Variants in SLC4A10 observed in about 807,000 individuals in gnomAD.
SLC4A10 encodes the protein sodium-driven chloride bicarbonate exchanger.
A neutral mutation model predicts 137.7 loss-of-function variants in SLC4A10; 42 were observed. The ratio of observed to expected loss-of-function variants is 0.30; its 90% confidence interval spans 0.24 to 0.39. The LOEUF (loss-of-function observed/expected upper bound fraction) is 0.39, where lower values mean the gene tolerates loss of function less well. SLC4A10 is among the 10% of genes least tolerant of loss of function. The probability of loss-of-function intolerance (pLI) is 1.00; values close to 1 mark genes in which losing one functional copy is unlikely to be tolerated. For missense variants in SLC4A10, 925 were observed against 1,355.0 expected (o/e 0.68, Z 4.98); for synonymous variants, 474 against 464.1 (o/e 1.02, Z -0.27).
chr2:161,938,030 T>C (rs1427052569), intron 15 of SLC4A10, among the ~76,000 whole-genome samples: 2 of 152,004 alleles, frequency 1.3e-5, no homozygotes, highest in South Asian at 2.1e-4. Context: ...CCCAGCACTT[T>C]GGGAGGCTGA....
At chr2:161,643,421 C>A (rs918755373) in intron 1 of SLC4A10, among the ~76,000 whole-genome samples, 18 of 152,118 alleles carry the variant, frequency 1.2e-4, no homozygotes, top group Admixed American at 9.8e-4. Flanking sequence ...ATTACACATG[C>A]CAATAAATGC....
At chr2:161,647,235 T>C (rs1283684690) in intron 1 of SLC4A10, among the ~76,000 whole-genome samples, 1 of 152,076 alleles carries the variant, frequency 6.6e-6, no homozygotes, top group Non-Finnish European at 1.5e-5. Flanking sequence ...ATGCCTATCA[T>C]GTTTAATGGT....
intron 2 of SLC4A10, among the ~76,000 whole-genome samples, chr2:161,783,117 TAA>T (rs1306991169): frequency 6.6e-6 from 1 of 151,936 alleles, no homozygotes; most frequent in Non-Finnish European, 1.5e-5. Flanking sequence ...GGAAATTTCA[TAA>T]GAGTATAAGT....
intron 1 of SLC4A10, among the ~76,000 whole-genome samples, chr2:161,696,262 A>G (rs1574408384): frequency 6.6e-6 from 1 of 151,784 alleles, no homozygotes; most frequent in Admixed American, 6.6e-5. Flanking sequence ...TTATGGCTGC[A>G]TAGTATTCCA....
rs185479091 is a variant in SLC4A10 at position 161,704,251 on chromosome 2, C to T, written c.49-66722C>T. 3.8e-3 allele frequency among the ~76,000 whole-genome samples: 571 copies of T among 151,662 alleles called. 2 individuals carry two copies. The highest frequency in any genetic ancestry group is 0.012 in the African/African-American group (505 of 41,472). ...GTTGTGAGAGCTAATTTGTCAAAAA[C>T]GGTCTGTACTAGCTTTAGCCCAGTA... On this transcript the variant is annotated intron_variant, in intron 1 of 26. Coordinates refer to ENST00000446997, the MANE Select transcript of SLC4A10 (RefSeq NM_001178015.2).
intron 23 of SLC4A10, among the ~76,000 whole-genome samples, chr2:161,972,332 C>G (rs985076740): frequency 6.6e-6 from 1 of 152,158 alleles, no homozygotes; most frequent in Non-Finnish European, 1.5e-5. Context: ...TACATATGCT[C>G]TGCCCCTGAC....
chr2:161,638,320 A>G (rs1022926336), intron 1 of SLC4A10, among the ~76,000 whole-genome samples: 2 of 152,102 alleles, frequency 1.3e-5, no homozygotes, highest in African/African-American at 4.8e-5. Context: ...ATGGTGATCC[A>G]TAGGGTTCTA....
rs188593373 is a variant in SLC4A10, at chr2:161,689,468, T to C, written c.48+64902T>C. Reference sequence around the variant, plus strand: ...TACACTATTCAGTACAGTAACATGCTGAACAGGTTTGTGGCTTAGAAGCAA... The same window carrying C: ...TACACTATTCAGTACAGTAACATGCCGAACAGGTTTGTGGCTTAGAAGCAA... On this transcript the variant is annotated intron_variant, in intron 1 of 26. Coordinates refer to ENST00000446997, the MANE Select transcript of SLC4A10 (RefSeq NM_001178015.2). 4.4e-4 allele frequency among the ~76,000 whole-genome samples: 67 copies of C among 152,356 alleles called. No homozygotes were observed. The South Asian group carries it at 0.011, about 26-fold the overall frequency.
intron 15 of SLC4A10, among the ~76,000 whole-genome samples, chr2:161,927,713 A>G (rs1292445268): frequency 6.6e-6 from 1 of 152,254 alleles, no homozygotes; most frequent in African/African-American, 2.4e-5. Context: ...TGGGCAAAGG[A>G]CATGAACAGA....
At chr2:161,826,541 A>G (rs2058031945) in intron 3 of SLC4A10, among the ~76,000 whole-genome samples, 1 of 152,168 alleles carries the variant, frequency 6.6e-6, no homozygotes, top group Non-Finnish European at 1.5e-5. Flanking sequence ...AGGGCCTGCA[A>G]AAGGAGAGTA....
At chr2:161,636,043 G>A (rs1339929404) in intron 1 of SLC4A10, among the ~76,000 whole-genome samples, 2 of 152,104 alleles carry the variant, frequency 1.3e-5, no homozygotes, top group African/African-American at 2.4e-5. Flanking sequence ...AGCAGAATTT[G>A]TGTTGCTCTG....
intron 1 of SLC4A10, among the ~76,000 whole-genome samples, chr2:161,750,557 C>T (rs561390265): frequency 7.9e-5 from 12 of 151,712 alleles, no homozygotes; most frequent in Middle Eastern, 3.4e-3. Context: ...TTATTCCTGC[C>T]GCTAATTTCT....
chr2:161,708,662 A>T, intron 1 of SLC4A10: 1 of 1,478,904 alleles, frequency 6.8e-7, no homozygotes, highest in Admixed American at 2.3e-5. Context: ...ATACTGATGG[A>T]CAGATCTGTT....
chr2:161,885,343 G>A (rs1245687583), intron 10 of SLC4A10, among the ~76,000 whole-genome samples: 2 of 152,144 alleles, frequency 1.3e-5, no homozygotes, highest in Admixed American at 6.6e-5. Flanking sequence ...AGAACAGTTA[G>A]CATTTTAGCA....
intron 16 of SLC4A10, among the ~76,000 whole-genome samples, chr2:161,944,656 T>C (rs1461422461): frequency 6.6e-6 from 1 of 151,670 alleles, no homozygotes; most frequent in East Asian, 1.9e-4. Flanking sequence ...AGCAGAAAGT[T>C]TCATATTATT....
chr2:161,919,998 C>T (rs1272035385), intron 15 of SLC4A10, among the ~76,000 whole-genome samples: 1 of 152,186 alleles, frequency 6.6e-6, no homozygotes, highest in Non-Finnish European at 1.5e-5. Flanking sequence ...CCAGCCACAG[C>T]CTTGCACAGA....
At chr2:161,728,666 T>C (rs2046495252) in intron 1 of SLC4A10, among the ~76,000 whole-genome samples, 1 of 152,110 alleles carries the variant, frequency 6.6e-6, no homozygotes, top group African/African-American at 2.4e-5. Context: ...TAATTTCTAC[T>C]AGAAAATAGA....
At chr2:161,850,033 A>G (rs1238274973) in intron 4 of SLC4A10, among the ~76,000 whole-genome samples, 3 of 151,886 alleles carry the variant, frequency 2.0e-5, no homozygotes, top group African/African-American at 4.8e-5. Context: ...TTTCTGGTTG[A>G]TAGGTTTTTT....
At chr2:161,733,149 C>T (rs918640344) in intron 1 of SLC4A10, among the ~76,000 whole-genome samples, 3 of 152,100 alleles carry the variant, frequency 2.0e-5, no homozygotes, top group Non-Finnish European at 2.9e-5. Context: ...AATGAGGAGC[C>T]GCATGTTAAT....
Sources: gnomAD v4.1 joint callset for allele counts (sites outside exome capture counted in the v4.1 genomes callset) on GRCh38, gnomAD v4.1.1 for gene constraint, MANE v1.5 for transcripts, NCBI Gene and HGNC (gene_info 2026-07-23, HGNC 2026-07-21) for gene names.